TAX1BP1: variants seen among roughly 807,000 people sequenced by gnomAD.
The protein encoded by TAX1BP1 is tax1-binding protein 1.
Under a neutral mutation model 97.7 loss-of-function variants are expected in TAX1BP1, and 62 were observed. That is an observed-to-expected ratio of 0.63 (90% confidence interval 0.52 to 0.78). The LOEUF (loss-of-function observed/expected upper bound fraction) is 0.78. Among genes scored for constraint, TAX1BP1 ranks in the 30% least tolerant of loss-of-function variants. The pLI, the probability that TAX1BP1 is intolerant of heterozygous loss-of-function variation, is 0.00. For synonymous variants in TAX1BP1, 340 were observed against 304.2 expected, an observed-to-expected ratio of 1.12 and a Z score of -1.23; for missense variants, 867 against 916.1, an observed-to-expected ratio of 0.95 and a Z score of 0.69.
At position 27,785,461 on chromosome 7, in the gene TAX1BP1, C is replaced by T. The variant is rs199893082; in HGVS notation, c.824C>T (p.Thr275Ile). 1 of 1,612,842 alleles carries T rather than the reference C, an allele frequency of 6.2e-7. No homozygotes were observed. Among genetic ancestry groups the T allele is most frequent in the East Asian group, 2.2e-5 (1 of 44,850 alleles). Residue 275 changes from threonine to isoleucine, a missense_variant, in exon 7 of 17, where the codon ACA (threonine) becomes ATA (isoleucine). Thr to Ile is a moderately conservative substitution (Grantham distance 89, BLOSUM62 -1). This residue lies in a region of TAX1BP1 where 822 missense variants were observed against 851.4 expected (regional missense o/e 0.97). Transcript: ENST00000396319. ...GAACAACTTGAATGTCAGTTGAAGACAGAGAAGGATGAAAAGGAACTTTAT... is the reference window on the plus strand; with the variant it reads ...GAACAACTTGAATGTCAGTTGAAGATAGAGAAGGATGAAAAGGAACTTTAT... ...EREQLECQLK[T>I]EKDEKELYKV... is the part of the protein sequence containing the mutation.
intron 13 of TAX1BP1, among the ~76,000 whole-genome samples, chr7:27,801,984 G>T (rs1218871032): frequency 6.6e-6 from 1 of 152,182 alleles, no homozygotes; most frequent in Non-Finnish European, 1.5e-5. Context: ...TGGAGGGGAG[G>T]AGAAGCAGAG....
At chr7:27,798,238 C>T (rs954371276) in intron 12 of TAX1BP1, among the ~76,000 whole-genome samples, 1 of 151,380 alleles carries the variant, frequency 6.6e-6, no homozygotes, top group East Asian at 1.9e-4. Context: ...GGTTGTTTTT[C>T]GGCTGGTACA....
chr7:27,819,825 T>G (rs1242773824), intron 15 of TAX1BP1, among the ~76,000 whole-genome samples: 1 of 152,240 alleles, frequency 6.6e-6, no homozygotes, highest in Non-Finnish European at 1.5e-5. Context: ...TGTGTACTTC[T>G]GCATATATAA....
chr7:27,828,978 T>C lies in TAX1BP1; in HGVS notation c.*149T>C. 1.7e-6 allele frequency: 1 copy of C among 600,918 alleles called. No homozygotes were observed. Among genetic ancestry groups the C allele is most frequent in the South Asian group, 2.5e-5 (1 of 39,564 alleles). 37.2% of individuals were successfully genotyped at this position (600,918 alleles called of 1,614,324 possible). A position where few individuals can be genotyped will look rare whatever the true frequency, so the allele number is the denominator to read the frequency against. Reference sequence around the variant, plus strand: ...ACCAGGAGCTACTTTGAGTTTGGTGTTACTAGGATCAGGGTCAGTCTTTGG... The same window carrying C: ...ACCAGGAGCTACTTTGAGTTTGGTGCTACTAGGATCAGGGTCAGTCTTTGG... On this transcript the variant is annotated 3_prime_UTR_variant, in exon 17 of 17. Transcript: ENST00000396319.
chr7:27,796,087 T>TA (rs2128319088), intron 11 of TAX1BP1, 29 bp from the exon 12 acceptor site: 1 of 1,558,796 alleles, frequency 6.4e-7, no homozygotes, highest in East Asian at 2.3e-5. Flanking sequence ...AAATACTTTT[T>TA]AACAGTCTTA....
chr7:27,761,726 A>G (rs529602371), intron 3 of TAX1BP1, among the ~76,000 whole-genome samples: 12 of 152,350 alleles, frequency 7.9e-5, no homozygotes, highest in African/African-American at 1.4e-4. Context: ...TTATGAATCT[A>G]TTGAAGGAGA....
At position 27,785,147 on chromosome 7, in the gene TAX1BP1, T is replaced by C. The variant is rs375882621; in HGVS notation, c.613-16T>C. On this transcript the variant is annotated splice_polypyrimidine_tract_variant and intron_variant, in intron 5 of 16. Coordinates refer to ENST00000396319, the MANE Select transcript of TAX1BP1 (RefSeq NM_006024.7). ...GTTTCTGTGTTTTCTCAAAATACCT[T>C]GTTGTCACTTCTCAGGGTCTTACTG... 5.2e-5 allele frequency: 82 copies of C among 1,588,116 alleles called. No homozygotes were observed. Among genetic ancestry groups the C allele is most frequent in the Non-Finnish European group, 6.7e-5 (79 of 1,172,166 alleles).
intron 12 of TAX1BP1, among the ~76,000 whole-genome samples, chr7:27,797,535 A>G (rs1304851965): frequency 6.6e-6 from 1 of 152,118 alleles, no homozygotes; most frequent in African/African-American, 2.4e-5. Context: ...GCTATAGAAT[A>G]AAATTTACAC....
rs1467640072 is a variant in TAX1BP1, at chr7:27,748,506, T to TA, written c.-7-11dup. On this transcript the variant is annotated splice_polypyrimidine_tract_variant and intron_variant, in intron 1 of 16. Transcript: ENST00000396319. ...TTGGTATAATTTAACTTGTATGAAT[T>TA]ACTTGTTTCAGATTCACAATGACAT... is the stretch of plus-strand genomic sequence containing the variant. 2 of 1,561,896 alleles carry TA rather than the reference T, an allele frequency of 1.3e-6. No homozygotes were observed. The highest frequency in any genetic ancestry group is 2.7e-5 in the African/African-American group (2 of 73,938).
At chr7:27,756,891 A>G (rs1422588740) in intron 2 of TAX1BP1, among the ~76,000 whole-genome samples, 1 of 152,134 alleles carries the variant, frequency 6.6e-6, no homozygotes, top group Non-Finnish European at 1.5e-5. Context: ...GTAAATTGTA[A>G]GATTTGTCCC....
At chr7:27,827,415 T>A (rs545527230) in intron 15 of TAX1BP1, among the ~76,000 whole-genome samples, 1 of 152,200 alleles carries the variant, frequency 6.6e-6, no homozygotes, top group South Asian at 2.1e-4. Context: ...CAGTAAAAGT[T>A]ACCTACGTAT....
At position 27,767,813 on chromosome 7, in the gene TAX1BP1, A is replaced by G. The variant is rs551190622; in HGVS notation, c.453+1792A>G. 5.9e-5 allele frequency among the ~76,000 whole-genome samples: 9 copies of G among 152,258 alleles called. No homozygotes were observed. The South Asian group carries it at 1.9e-3, about 32-fold the overall frequency. ...CTTCCTACTCCACAAAGGGTACTTT[A>G]TAAAGAATGTGAAAATTGCTGTTTC... is the stretch of plus-strand genomic sequence containing the variant. On this transcript the variant is annotated intron_variant, in intron 4 of 16. Transcript: ENST00000396319.
At chr7:27,826,076 G>A (rs1471701963) in intron 15 of TAX1BP1, among the ~76,000 whole-genome samples, 1 of 152,102 alleles carries the variant, frequency 6.6e-6, no homozygotes, top group Non-Finnish European at 1.5e-5. Flanking sequence ...GGGAGCTAGA[G>A]TAACCTGGCA....
intron 7 of TAX1BP1, among the ~76,000 whole-genome samples, chr7:27,786,599 A>G (rs1789491851): frequency 6.6e-6 from 1 of 152,182 alleles, no homozygotes; most frequent in African/African-American, 2.4e-5. Context: ...TTTCTTGTTA[A>G]GTCAATTTAA....
At chr7:27,770,351 A>G (rs1788796410) in intron 5 of TAX1BP1, among the ~76,000 whole-genome samples, 1 of 152,072 alleles carries the variant, frequency 6.6e-6, no homozygotes, top group African/African-American at 2.4e-5. Flanking sequence ...GGTACAATGA[A>G]GCAGAAAACA....
intron 4 of TAX1BP1, 40 bp downstream of exon 4, chr7:27,766,061 T>A: frequency 6.3e-7 from 1 of 1,577,826 alleles, no homozygotes; most frequent in Non-Finnish European, 8.6e-7. Flanking sequence ...TTGATAATTT[T>A]AAGAACAGAG....
At chr7:27,770,083 A>C (rs531413881) in intron 5 of TAX1BP1, among the ~76,000 whole-genome samples, 1 of 152,066 alleles carries the variant, frequency 6.6e-6, no homozygotes, top group Non-Finnish European at 1.5e-5. Context: ...CCTGACAACT[A>C]TTTCCAGATG....
chr7:27,766,295 C>G (rs1387619721), intron 4 of TAX1BP1, among the ~76,000 whole-genome samples: 1 of 151,848 alleles, frequency 6.6e-6, no homozygotes, highest in East Asian at 1.9e-4. Flanking sequence ...TGGCAGGCAC[C>G]TGTAGTCCCA....
At chr7:27,767,054 T>A (rs1334736155) in intron 4 of TAX1BP1, among the ~76,000 whole-genome samples, 2 of 152,190 alleles carry the variant, frequency 1.3e-5, no homozygotes, top group East Asian at 1.9e-4. Flanking sequence ...GTGTATTAAT[T>A]TTTAGTAGTC....
Sources: gnomAD v4.1 joint callset for allele counts (sites outside exome capture counted in the v4.1 genomes callset) on GRCh38, gnomAD v4.1.1 for gene constraint, gnomAD v4.1.1 regional missense constraint, MANE v1.5 for transcripts, NCBI Gene and HGNC (gene_info 2026-07-23, HGNC 2026-07-21) for gene names.